The following GCDH variants were observed in gnomAD, a reference collection of about 807,000 sequenced individuals.
The protein encoded by GCDH is glutaryl-CoA dehydrogenase, mitochondrial.
A neutral mutation model predicts 52.8 loss-of-function variants in GCDH; 31 were observed. The ratio of observed to expected loss-of-function variants is 0.59; its 90% CI spans 0.44 to 0.79. The LOEUF (loss-of-function observed/expected upper bound fraction) is 0.79. Ranked by LOEUF, GCDH falls within the 30% of genes least tolerant of loss-of-function variation. GCDH has a pLI of 0.00. For synonymous variants in GCDH, 242 were observed against 250.0 expected (o/e 0.97, Z 0.30); for missense variants, 509 against 595.0 (o/e 0.86, Z 1.50).
Position 12,899,797 on chromosome 19 carries a change from A to C in GCDH, c.*256A>C, listed in dbSNP as rs1178783415. 5.7e-6 allele frequency: 9 copies of C among 1,588,200 alleles called. No homozygotes were observed. Among genetic ancestry groups the C allele is most frequent in the Non-Finnish European group, 7.8e-6 (9 of 1,157,554 alleles). ...TGAGAGCAGACTCCATTTACCCTGA[A>C]ATAGCAGCTTCTCTTGAGAGGAGAG... On this transcript the variant is annotated 3_prime_UTR_variant, in exon 12 of 12. Coordinates refer to ENST00000222214, the MANE Select transcript of GCDH (RefSeq NM_000159.4).
rs200188623 is a variant in GCDH, at chr19:12,892,193, C to T, written c.334+15C>T. ...CACCATCAAAGGTAGGAACAAGTAT[C>T]TCTCCACACACTGCAGAACCCTCTG... On this transcript the variant is annotated intron_variant, in intron 5 of 11. Coordinates refer to ENST00000222214, the MANE Select transcript of GCDH (RefSeq NM_000159.4). 1.9e-6 allele frequency: 3 copies of T among 1,604,742 alleles called. No homozygotes were observed. The Admixed American group carries it at 5.0e-5, about 27-fold the overall frequency.
chr19:12,899,406 A>AT (rs757434577), intron 11 of GCDH, 62 bp from the exon 12 acceptor site: 5 of 1,614,100 alleles, frequency 3.1e-6, no homozygotes, highest in Non-Finnish European at 4.2e-6. Context: ...ATGAAAATTG[A>AT]TTTTAAAGGG....
Position 12,891,948 on chromosome 19 carries a change from G to T in GCDH, c.245G>T (p.Arg82Leu), listed in dbSNP as rs1568424857. ...RTYCQERLMP[R>L]ILLANRNEVF... ...TACTGCCAGGAGAGACTCATGCCTC[G>T]CATCCTGTTGGCCAATCGCAACGAA... The change falls in exon 4 of 12, where the codon CGC becomes CTC. Residue 82 changes from arginine (R) to leucine (L), a missense_variant. Physicochemically the swap from Arg to Leu is moderately radical, Grantham distance 102 (BLOSUM62 -2). Coordinates refer to ENST00000222214, the MANE Select transcript of GCDH (RefSeq NM_000159.4). 2 of 1,614,076 alleles carry T rather than the reference G, an allele frequency of 1.2e-6. No homozygotes were observed. The highest frequency in any genetic ancestry group is 1.7e-6 in the Non-Finnish European group (2 of 1,180,032).
rs758793900 is a variant in GCDH at position 12,897,279 on chromosome 19, C to G, written c.957-24C>G. ...GTGGGAGAGTGGGCCTCCCCTCGCT[C>G]TTACCCTGCCATTGCCCATGTAGGA... On this transcript the variant is annotated intron_variant, in intron 9 of 11. Transcript: ENST00000222214. 5 of 1,613,264 alleles carry G rather than the reference C, an allele frequency of 3.1e-6. No individual in the cohort carries two copies. The African/African-American group carries it at 6.7e-5, about 22-fold the overall frequency.
intron 6 of GCDH, chr19:12,894,926 A>AC: frequency 2.3e-6 from 1 of 427,890 alleles, no homozygotes; most frequent in South Asian, 3.4e-5. Flanking sequence ...AAAAAAAAAA[A>AC]AACCCACAAG....
chr19:12,891,486 G>C lies in GCDH; in HGVS notation c.92-1G>C. ...GTGACTTTCCCGTTCTGTGCTTGCA[G>C]AGAAAGGCGGGAGAACACAGAGCCA... is the stretch of plus-strand genomic sequence containing the variant. On this transcript the variant is annotated splice_acceptor_variant, in intron 2 of 11. Coordinates refer to ENST00000222214, the MANE Select transcript of GCDH (RefSeq NM_000159.4). LOFTEE classifies it high-confidence loss of function. 2 of 1,614,256 alleles carry C rather than the reference G, an allele frequency of 1.2e-6. No individual in the cohort carries two copies. Among genetic ancestry groups the C allele is most frequent in the Non-Finnish European group, 1.7e-6 (2 of 1,180,042 alleles).
In GCDH at chr19:12,892,188, A is replaced by G. The variant is rs370193721; in HGVS notation, c.334+10A>G. 6.2e-7 allele frequency: 1 copy of G among 1,610,252 alleles called. No individual in the cohort carries two copies. Among genetic ancestry groups the G allele is most frequent in the Non-Finnish European group, 8.5e-7 (1 of 1,176,456 alleles). On this transcript the variant is annotated intron_variant, in intron 5 of 11. Transcript: ENST00000222214. ...GGCCCCACCATCAAAGGTAGGAACA[A>G]GTATCTCTCCACACACTGCAGAACC...
chr19:12,898,029 G>A, intron 11 of GCDH, 166 bp downstream of exon 11: 2 of 663,772 alleles, frequency 3.0e-6, no homozygotes, highest in Non-Finnish European at 2.7e-6. Flanking sequence ...TTACTCACAT[G>A]GGGACTGTGG....
chr19:12,894,913 C>CAA (rs35759366), intron 6 of GCDH: 1,957 of 175,426 alleles, frequency 0.011, 5 homozygotes, highest in Middle Eastern at 0.016. Context: ...ATCAGATTCG[C>CAA]AAAAAAAAAA....
intron 6 of GCDH, chr19:12,894,473 T>C: frequency 1.4e-6 from 1 of 719,632 alleles, no homozygotes; most frequent in Non-Finnish European, 2.6e-6. Flanking sequence ...TTGGTTATTG[T>C]AAAAAAAAGG....
chr19:12,892,279 C>A (rs775696524), intron 5 of GCDH, 101 bp downstream of exon 5: 3 of 1,070,450 alleles, frequency 2.8e-6, no homozygotes, highest in African/African-American at 1.6e-5. Context: ...TCTTTCTTTT[C>A]TTTTCCTTTT....
intron 3 of GCDH, 101 bp from the exon 4 acceptor site, chr19:12,891,730 C>CG (rs1323301762): frequency 4.5e-5 from 73 of 1,605,560 alleles, no homozygotes; most frequent in Non-Finnish European, 5.2e-5. Context: ...TCGCACTAGC[C>CG]GGGGGGCGAC....
rs763236431 is a variant in GCDH, at chr19:12,896,444, A to G, written c.852+23A>G. On this transcript the variant is annotated intron_variant, in intron 8 of 11. Coordinates refer to ENST00000222214, the MANE Select transcript of GCDH (RefSeq NM_000159.4). This position sits in a 1 kb window ranked among gnomAD's most constrained non-coding sequence, Gnocchi z 5.5. ...GGGGTAAGTGGCAGCCACTTTGGGAATGGGTGTTGGGTCACCTGCGGATGC... is the reference window on the plus strand; with the variant it reads ...GGGGTAAGTGGCAGCCACTTTGGGAGTGGGTGTTGGGTCACCTGCGGATGC... 2.3e-5 allele frequency: 36 copies of G among 1,576,828 alleles called. No individual in the cohort carries two copies. In the South Asian group the frequency reaches 3.8e-4, roughly 17 times the overall value.
At position 12,896,181 on chromosome 19, in the gene GCDH, C is replaced by G. The variant is rs762538155; in HGVS notation, c.636-24C>G. 37 of 1,613,930 alleles carry G rather than the reference C, an allele frequency of 2.3e-5. No individual in the cohort carries two copies. The Admixed American group carries it at 2.5e-4, about 11-fold the overall frequency. On this transcript the variant is annotated intron_variant, in intron 7 of 11. Coordinates refer to ENST00000222214, the MANE Select transcript of GCDH (RefSeq NM_000159.4). The surrounding 1 kb of genome is among the most constrained non-coding windows in gnomAD (Gnocchi z 5.5). ...GGGGCAAAGGGGCACTGGTCAGACC[C>G]CTCACCGACTGTTCCATCCCCAGGA... is the stretch of plus-strand genomic sequence containing the variant.
chr19:12,892,105 TCC>T lies in GCDH; in HGVS notation c.272-9_272-8del. The T allele has an allele frequency of 6.2e-7, 1 of 1,614,104 alleles. No homozygotes were observed. Among genetic ancestry groups the T allele is most frequent in the Non-Finnish European group, 8.5e-7 (1 of 1,179,966 alleles). ...GCCTGGGCCTGAATTTGGGCACTGG[TCC>T]CTTTGCAGTTTTTCATCGGGAGATC... On this transcript the variant is annotated splice_polypyrimidine_tract_variant and intron_variant, in intron 4 of 11. Transcript: ENST00000222214.
rs372429120 is a variant in GCDH at position 12,893,542 on chromosome 19, C to T, written c.394C>T (p.Arg132Trp). 35 of 1,613,676 alleles carry T rather than the reference C, an allele frequency of 2.2e-5. No individual in the cohort carries two copies. Among genetic ancestry groups the T allele is most frequent in the East Asian group, 1.6e-4 (7 of 44,880 alleles). ...TGGGCTCCTGGCCCGAGAGCTGGAG[C>T]GGGTGGACAGTGGCTACAGGTCGGC... ...AYGLLARELE[R>W]VDSGYRSAMS... The change falls in exon 6 of 12, where the codon CGG becomes TGG. Residue 132 changes from arginine (R) to tryptophan (W), a missense_variant. Arg to Trp is a moderately radical substitution (Grantham distance 101, BLOSUM62 -3). Transcript: ENST00000222214.
chr19:12,896,309 C>G lies in GCDH; in HGVS notation c.740C>G (p.Ala247Gly). Reference protein sequence around the residue: ...LLEKGMRGLSAPRIQGKFSLR... With the variant: ...LLEKGMRGLSGPRIQGKFSLR... ...GAGAAGGGGATGCGGGGTCTCTCGGCCCCCAGGATCCAGGGCAAGTTCTCG... is the reference window on the plus strand; with the variant it reads ...GAGAAGGGGATGCGGGGTCTCTCGGGCCCCAGGATCCAGGGCAAGTTCTCG... The change falls in exon 8 of 12, where the codon GCC becomes GGC. Residue 247 changes from alanine to glycine, a missense_variant. Physicochemically the swap from Ala to Gly is moderately conservative, Grantham distance 60. Transcript: ENST00000222214. This position sits in a 1 kb window ranked among gnomAD's most constrained non-coding sequence, Gnocchi z 5.5. 1.2e-6 allele frequency: 2 copies of G among 1,613,960 alleles called. No individual in the cohort carries two copies. Among genetic ancestry groups the G allele is most frequent in the Non-Finnish European group, 1.7e-6 (2 of 1,179,858 alleles).
At position 12,891,409 on chromosome 19, in the gene GCDH, C is replaced by T. The variant is rs767439598; in HGVS notation, c.91+14C>T. The stretch of plus-strand genomic sequence containing the variant: ...CGGCGCAGACCGGTCAGTGTGGGGT[C>T]GGGAGTGTGGAGGGAAGGAGGGAGG... On this transcript the variant is annotated intron_variant, in intron 2 of 11. Coordinates refer to ENST00000222214, the MANE Select transcript of GCDH (RefSeq NM_000159.4). The T allele has an allele frequency of 2.5e-6, 4 of 1,614,040 alleles. No homozygotes were observed. Among genetic ancestry groups the T allele is most frequent in the Non-Finnish European group, 2.5e-6 (3 of 1,179,940 alleles).
At position 12,893,544 on chromosome 19, in the gene GCDH, G is replaced by A. The variant is rs1160521098; in HGVS notation, c.396G>A (p.Arg132=). ...AYGLLARELE[R]VDSGYRSAMS... ...GGCTCCTGGCCCGAGAGCTGGAGCG[G>A]GTGGACAGTGGCTACAGGTCGGCGA... The change falls in exon 6 of 12, where the codon CGG becomes CGA. Residue 132 remains arginine (R), a synonymous_variant. Transcript: ENST00000222214. The A allele has an allele frequency of 1.2e-6, 2 of 1,613,800 alleles. No individual in the cohort carries two copies. The highest frequency in any genetic ancestry group is 1.3e-5 in the African/African-American group (1 of 74,886).
Sources: allele counts gnomAD v4.1 joint callset, GRCh38; gene constraint gnomAD v4.1.1; non-coding constraint Gnocchi (gnomAD v3.1); transcripts MANE v1.5; gene names NCBI Gene and HGNC (gene_info 2026-07-23, HGNC 2026-07-21).